The following TRMT1L variants were observed in gnomAD, a reference collection of about 807,000 sequenced individuals.
TRMT1L encodes tRNA methyltransferase 1L.
A neutral mutation model predicts 81.6 loss-of-function variants in TRMT1L; 28 were observed. The ratio of observed to expected loss-of-function variants is 0.34; its 90% CI spans 0.25 to 0.47. The LOEUF (loss-of-function observed/expected upper bound fraction) is 0.47. Among genes scored for constraint, TRMT1L ranks in the 20% least tolerant of loss-of-function variants. The probability of loss-of-function intolerance (pLI) is 1.00; values close to 1 mark genes in which losing one functional copy is unlikely to be tolerated. For missense variants in TRMT1L, 739 were observed against 877.1 expected (o/e 0.84, Z 1.99); for synonymous variants, 301 against 303.2 (o/e 0.99, Z 0.07).
chr1:185,131,786 A>C (rs1652777428), intron 10 of TRMT1L, among the ~76,000 whole-genome samples: 2 of 152,216 alleles, frequency 1.3e-5, no homozygotes, highest in African/African-American at 4.8e-5. Context: ...AATATAACTA[A>C]ACAGAGTTCC....
At chr1:185,151,464 A>G (rs553289440) in intron 2 of TRMT1L, among the ~76,000 whole-genome samples, 1 of 152,322 alleles carries the variant, frequency 6.6e-6, no homozygotes, top group South Asian at 2.1e-4. Context: ...TGGAACTCTC[A>G]TACCAGCCCT....
chr1:185,138,627 C>T (rs1652959683), intron 9 of TRMT1L, among the ~76,000 whole-genome samples: 1 of 152,078 alleles, frequency 6.6e-6, no homozygotes, highest in Non-Finnish European at 1.5e-5. Context: ...AAAAGTCATC[C>T]TTTTAAAAAA....
At chr1:185,147,867 T>C (rs1653231369) in intron 3 of TRMT1L, among the ~76,000 whole-genome samples, 1 of 152,200 alleles carries the variant, frequency 6.6e-6, no homozygotes, top group South Asian at 2.1e-4. Context: ...GATTCCTATT[T>C]CTAATTGCCT....
chr1:185,140,665 G>A (rs1017305425), intron 7 of TRMT1L, among the ~76,000 whole-genome samples: 1 of 151,448 alleles, frequency 6.6e-6, no homozygotes, highest in South Asian at 2.1e-4. Flanking sequence ...CTGCACAATA[G>A]CATTGTTGTG....
intron 7 of TRMT1L, among the ~76,000 whole-genome samples, chr1:185,142,699 T>G (rs1453081969): frequency 6.6e-6 from 1 of 151,566 alleles, no homozygotes; most frequent in Non-Finnish European, 1.5e-5. Context: ...ATGACCAATT[T>G]ACAAAAATAC....
At chr1:185,142,479 C>T (rs2102248307) in intron 7 of TRMT1L, among the ~76,000 whole-genome samples, 1 of 152,156 alleles carries the variant, frequency 6.6e-6, no homozygotes, top group Middle Eastern at 3.4e-3. Flanking sequence ...AAATTTTCTA[C>T]TGTTTCTATT....
chr1:185,123,160 G>A (rs754595401), intron 13 of TRMT1L, among the ~76,000 whole-genome samples: 7 of 152,100 alleles, frequency 4.6e-5, no homozygotes, highest in Non-Finnish European at 7.4e-5. Flanking sequence ...AGAAATTTAA[G>A]TTTCCTTGTC....
intron 1 of TRMT1L, among the ~76,000 whole-genome samples, chr1:185,155,143 C>T (rs1313772020): frequency 6.6e-6 from 1 of 152,208 alleles, no homozygotes; most frequent in Non-Finnish European, 1.5e-5. Flanking sequence ...ATACCTTCTT[C>T]AAATTACATA....
intron 4 of TRMT1L, among the ~76,000 whole-genome samples, chr1:185,145,967 G>A (rs1249424813): frequency 6.6e-6 from 1 of 151,944 alleles, no homozygotes; most frequent in Non-Finnish European, 1.5e-5. Context: ...CCAATTTCAA[G>A]CTACAACTGT....
intron 7 of TRMT1L, among the ~76,000 whole-genome samples, chr1:185,142,716 T>C (rs532998561): frequency 2.0e-5 from 3 of 149,728 alleles, no homozygotes; most frequent in South Asian, 4.2e-4. Context: ...ATACAGGAGA[T>C]AGAAGAACAT....
At chr1:185,131,406 G>C (rs1265294180) in intron 10 of TRMT1L, among the ~76,000 whole-genome samples, 1 of 151,886 alleles carries the variant, frequency 6.6e-6, no homozygotes, top group Non-Finnish European at 1.5e-5. Flanking sequence ...AACAGAAAAA[G>C]TTAAAAAACA....
chr1:185,119,935 A>C lies in TRMT1L; in HGVS notation c.*84T>G. ...TTTTTATTTTTACTCTACTGAATTG[A>C]AAGAACAGAAAAAGAACTACAGTTG... On this transcript the variant is annotated 3_prime_UTR_variant, in exon 15 of 15. Coordinates refer to ENST00000367506, the MANE Select transcript of TRMT1L (RefSeq NM_030934.5). 7.2e-7 allele frequency: 1 copy of C among 1,384,580 alleles called. No homozygotes were observed. The highest frequency in any genetic ancestry group is 1.7e-5 in the South Asian group (1 of 58,334). The allele number at this position is 1,384,580 out of a possible 1,614,324, so 85.8% of individuals were successfully genotyped here. A position where few individuals can be genotyped will look rare whatever the true frequency, so the allele number is the denominator to read the frequency against.
intron 6 of TRMT1L, among the ~76,000 whole-genome samples, 189 bp from the exon 7 acceptor site, chr1:185,143,625 T>G (rs546622503): frequency 1.3e-5 from 2 of 152,242 alleles, no homozygotes; most frequent in South Asian, 4.1e-4. Context: ...TGAATCCAGT[T>G]GGGTTCTATT....
chr1:185,132,243 C>T (rs1365686532), intron 10 of TRMT1L, among the ~76,000 whole-genome samples: 6 of 150,230 alleles, frequency 4.0e-5, no homozygotes, highest in African/African-American at 9.8e-5. Flanking sequence ...AGAGGCTGGG[C>T]GCAGTGGCTC....
Position 185,156,641 on chromosome 1 carries a change from G to A in TRMT1L, c.72C>T (p.Val24=). Residue 24 remains valine (V), a synonymous_variant, in exon 1 of 15, where the codon GTC becomes GTT. Transcript: ENST00000367506. ...KEEVEVAQVQ[V]PTPARDSAGV... ...CAGCCGAGTCCCGGGCCGGGGTCGG[G>A]ACCTGGACCTGGGCCACCTCCACCT... 1 of 1,609,118 alleles carries A rather than the reference G, an allele frequency of 6.2e-7. No individual in the cohort carries two copies. Among genetic ancestry groups the A allele is most frequent in the Non-Finnish European group, 8.5e-7 (1 of 1,178,080 alleles).
chr1:185,144,604 G>A (rs116541362), intron 5 of TRMT1L, among the ~76,000 whole-genome samples: 3,267 of 151,894 alleles, frequency 0.022, 124 homozygotes, highest in African/African-American at 0.074. Context: ...CATTTAGTAT[G>A]TTAGAATCAT....
intron 11 of TRMT1L, 84 bp downstream of exon 11, chr1:185,128,585 T>G: frequency 7.6e-7 from 1 of 1,310,704 alleles, no homozygotes; most frequent in Non-Finnish European, 1.1e-6. Flanking sequence ...TAAATTTGTC[T>G]TTTACCACAC....
Position 185,119,245 on chromosome 1 carries a change from G to A in TRMT1L, c.*774C>T, listed in dbSNP as rs538548588. ...ACAACCAACCAAATGAATACTGTAC[G>A]TGCATTAACTGAGGCACTTAAGATC... On this transcript the variant is annotated 3_prime_UTR_variant, in exon 15 of 15. Coordinates refer to ENST00000367506, the MANE Select transcript of TRMT1L (RefSeq NM_030934.5). 18 of 152,030 alleles carry A rather than the reference G, an allele frequency of 1.2e-4. No individual in the cohort carries two copies. The highest frequency in any genetic ancestry group is 9.2e-4 in the Admixed American group (14 of 15,236). The allele number at this position is 152,030 out of a possible 1,614,324, so 9.4% of individuals were successfully genotyped here.
rs1327977577 is a variant in TRMT1L at position 185,118,181 on chromosome 1, C to A, written c.*1838G>T. ...TAAACATTTGCAATGTCCCAAATTA[C>A]TACTATTGTTACGAGAATAAGATTG... On this transcript the variant is annotated 3_prime_UTR_variant, in exon 15 of 15. Transcript: ENST00000367506. 3 of 152,180 alleles carry A rather than the reference C, an allele frequency of 2.0e-5. No individual in the cohort carries two copies. The East Asian group carries it at 5.8e-4, about 29-fold the overall frequency. The allele number at this position is 152,180 out of a possible 1,614,324, so 9.4% of individuals were successfully genotyped here.
Sources: allele counts gnomAD v4.1 joint callset (sites outside exome capture counted in the v4.1 genomes callset), GRCh38; gene constraint gnomAD v4.1.1; transcripts MANE v1.5; gene names NCBI Gene and HGNC (gene_info 2026-07-23, HGNC 2026-07-21).